The following KCNIP4 variants were observed in gnomAD, a reference collection of about 807,000 sequenced individuals.
KCNIP4 encodes the protein potassium voltage-gated channel interacting protein 4.
In KCNIP4, 12 loss-of-function variants were observed where a neutral mutation model predicts 34.0. The observed-to-expected ratio is 0.35, with a 90% CI of 0.23 to 0.57. The LOEUF is 0.57. KCNIP4 is among the 20% of genes least tolerant of loss of function. The pLI is 0.83. For synonymous variants in KCNIP4, 124 were observed against 102.2 expected, an observed-to-expected ratio of 1.21 and a Z score of -1.29; for missense variants, 238 against 311.7, an observed-to-expected ratio of 0.76 and a Z score of 1.78.
At chr4:21,500,879 A>G (rs887140121) in intron 1 of KCNIP4, among the ~76,000 whole-genome samples, 28 of 152,290 alleles carry the variant, frequency 1.8e-4, no homozygotes, top group African/African-American at 5.3e-4. Context: ...CATCAATCAC[A>G]TCTTCTTTTG....
Position 21,137,871 on chromosome 4 carries a change from C to CTTTTTTTTTTTTTTTTTTTTTTTTTTTTT in KCNIP4, c.62-255163_62-255162insAAAAAAAAAAAAAAAAAAAAAAAAAAAAA, listed in dbSNP as rs144440285. On this transcript the variant is annotated intron_variant, in intron 1 of 8. Coordinates refer to ENST00000382152, the MANE Select transcript of KCNIP4 (RefSeq NM_025221.6). ...ATGAAGGCTTTTTCCCTTACACAGG[C>CTTTTTTTTTTTTTTTTTTTTTTTTTTTTT]TTTTTTGTTTTTTTTTTTTTGATGG... Among the ~76,000 whole-genome samples the CTTTTTTTTTTTTTTTTTTTTTTTTTTTTT allele has an allele frequency of 9.3e-5, 11 of 118,152 alleles. 4 individuals carry two copies. The highest frequency in any genetic ancestry group is 1.0e-4 in the Non-Finnish European group (6 of 59,720). The allele number at this position is 118,152 out of a possible 152,430, so 77.5% of individuals were successfully genotyped here. A position where few individuals can be genotyped will look rare whatever the true frequency, so the allele number is the denominator to read the frequency against.
chr4:20,818,833 T>G (rs1028630182), intron 3 of KCNIP4, among the ~76,000 whole-genome samples: 4 of 152,064 alleles, frequency 2.6e-5, no homozygotes, highest in African/African-American at 9.7e-5. Context: ...ATATTAAGTA[T>G]TCCAGAATAA....
chr4:21,523,699 G>A (rs1735732415), intron 1 of KCNIP4, among the ~76,000 whole-genome samples: 1 of 151,886 alleles, frequency 6.6e-6, no homozygotes, highest in Admixed American at 6.6e-5. Context: ...AGCCTCATGA[G>A]CATATGGGAC....
At chr4:20,911,613 C>A (rs565817336) in intron 1 of KCNIP4, among the ~76,000 whole-genome samples, 3 of 152,096 alleles carry the variant, frequency 2.0e-5, no homozygotes, top group Non-Finnish European at 4.4e-5. Context: ...ATTGTTCTAC[C>A]GTCTTCCTGA....
intron 1 of KCNIP4, among the ~76,000 whole-genome samples, chr4:20,914,428 T>C (rs73805222): frequency 0.024 from 3,638 of 152,206 alleles, 128 homozygotes; most frequent in African/African-American, 0.075. Flanking sequence ...CCCTTTTGCA[T>C]GTGAAAATGC....
intron 1 of KCNIP4, among the ~76,000 whole-genome samples, chr4:20,980,276 T>C (rs903349549): frequency 3.3e-5 from 5 of 152,220 alleles, no homozygotes; most frequent in African/African-American, 4.8e-5. Context: ...CAGGGTACCC[T>C]GCACACGTTA....
chr4:21,811,973 A>G (rs1276515314), intron 1 of KCNIP4, among the ~76,000 whole-genome samples: 3 of 152,180 alleles, frequency 2.0e-5, no homozygotes, highest in African/African-American at 7.2e-5. Context: ...GATGAGCTAC[A>G]CCAATTTTTC....
In KCNIP4 at chr4:21,106,913, T is replaced by C. The variant is rs563712493; in HGVS notation, c.62-224204A>G. Reference sequence around the variant, plus strand: ...TTCCATGTAGTTGAGCAGTTTTGAGTGAGTTTCTTAATCCTGAGTTCTAGT... The same window carrying C: ...TTCCATGTAGTTGAGCAGTTTTGAGCGAGTTTCTTAATCCTGAGTTCTAGT... On this transcript the variant is annotated intron_variant, in intron 1 of 8. Transcript: ENST00000382152. Among the ~76,000 whole-genome samples the C allele has an allele frequency of 2.4e-4, 37 of 151,576 alleles. No individual in the cohort carries two copies. The South Asian group carries it at 7.3e-3, about 30-fold the overall frequency.
chr4:21,200,352 G>A (rs200470563), intron 1 of KCNIP4, among the ~76,000 whole-genome samples: 56,998 of 125,770 alleles, frequency 0.45, 15,497 homozygotes, highest in African/African-American at 0.65. Flanking sequence ...ACATATATGT[G>A]TGTATATATA....
At chr4:21,908,006 C>CG (rs1491176410) in intron 1 of KCNIP4, among the ~76,000 whole-genome samples, 1 of 152,066 alleles carries the variant, frequency 6.6e-6, no homozygotes, top group Non-Finnish European at 1.5e-5. Flanking sequence ...CTTGTGCAAA[C>CG]TTTTTTTGTT....
chr4:21,065,726 CTATATATATATATATATATATA>C (rs5856598), intron 1 of KCNIP4, among the ~76,000 whole-genome samples: 15 of 86,352 alleles, frequency 1.7e-4, no homozygotes, highest in Middle Eastern at 0.01. Context: ...TATCATTTGT[CTATATATATATATATATATATA>C]TATATATATA....
chr4:21,717,955 T>G (rs549831486), intron 1 of KCNIP4, among the ~76,000 whole-genome samples: 1 of 152,210 alleles, frequency 6.6e-6, no homozygotes, highest in Non-Finnish European at 1.5e-5. Flanking sequence ...TTTTGACTTC[T>G]CTGTTCTGAA....
intron 1 of KCNIP4, among the ~76,000 whole-genome samples, chr4:21,496,905 G>C (rs1732894916): frequency 6.6e-6 from 1 of 152,170 alleles, no homozygotes; most frequent in South Asian, 2.1e-4. Flanking sequence ...TGCTCTGTCT[G>C]TGCAAAAATT....
At chr4:21,529,676 G>A (rs1336894985) in intron 1 of KCNIP4, among the ~76,000 whole-genome samples, 1 of 152,100 alleles carries the variant, frequency 6.6e-6, no homozygotes, top group Non-Finnish European at 1.5e-5. Context: ...GATATAAGCA[G>A]AAAGAGATGG....
At chr4:21,411,314 G>A (rs1244848229) in intron 1 of KCNIP4, among the ~76,000 whole-genome samples, 2 of 152,122 alleles carry the variant, frequency 1.3e-5, no homozygotes, top group African/African-American at 4.8e-5. Context: ...CAAACTTTTA[G>A]ATAGTGAGGG....
chr4:20,875,056 A>G (rs1172942411), intron 2 of KCNIP4, among the ~76,000 whole-genome samples: 1 of 152,056 alleles, frequency 6.6e-6, no homozygotes, highest in East Asian at 1.9e-4. Context: ...ACTTGGGCAC[A>G]GTCTCTACTT....
chr4:21,234,443 AAT>A (rs1560199462), intron 1 of KCNIP4, among the ~76,000 whole-genome samples: 3 of 131,146 alleles, frequency 2.3e-5, no homozygotes, highest in Non-Finnish European at 4.6e-5. Flanking sequence ...TAACGTATAT[AAT>A]ATATATTACA....
chr4:21,763,461 T>C (rs183955893), intron 1 of KCNIP4, among the ~76,000 whole-genome samples: 17 of 152,274 alleles, frequency 1.1e-4, no homozygotes, highest in African/African-American at 3.8e-4. Context: ...TTGAACATGA[T>C]TCTACTGGCT....
intron 1 of KCNIP4, among the ~76,000 whole-genome samples, chr4:21,470,618 C>T (rs1479037023): frequency 1.3e-5 from 2 of 152,078 alleles, no homozygotes; most frequent in Non-Finnish European, 2.9e-5. Context: ...TTCTGAGTTC[C>T]AGCTAGGGAG....
Sources: gnomAD v4.1 joint callset for allele counts (sites outside exome capture counted in the v4.1 genomes callset) on GRCh38, gnomAD v4.1.1 for gene constraint, MANE v1.5 for transcripts, NCBI Gene and HGNC (gene_info 2026-07-23, HGNC 2026-07-21) for gene names.